CELA1: variants seen among roughly 807,000 people sequenced by gnomAD.
The protein encoded by CELA1 is chymotrypsin-like elastase family member 1.
Under a neutral mutation model 34.8 loss-of-function variants are expected in CELA1, and 28 were observed. The observed-to-expected ratio is 0.80, with a 90% confidence interval of 0.60 to 1.10. The LOEUF is 1.10. CELA1 is among the 50% of genes least tolerant of loss of function. The pLI, the probability that CELA1 is intolerant of heterozygous loss-of-function variation, is 0.00. For synonymous variants in CELA1, 140 were observed against 129.8 expected, an observed-to-expected ratio of 1.08 and a Z score of -0.53; for missense variants, 288 against 327.5, an observed-to-expected ratio of 0.88 and a Z score of 0.93.
intron 6 of CELA1, among the ~76,000 whole-genome samples, chr12:51,338,712 C>G (rs1231823291): frequency 6.6e-6 from 1 of 152,166 alleles, no homozygotes; most frequent in African/African-American, 2.4e-5. Context: ...ATGTCTGTGC[C>G]TCTGGTTTCT....
At chr12:51,333,594 T>C (rs17860343) in intron 6 of CELA1, among the ~76,000 whole-genome samples, 34,270 of 151,658 alleles carry the variant, frequency 0.23, 4,446 homozygotes, top group Middle Eastern at 0.32. Context: ...GGTCTCCCTA[T>C]GTTGCTGAGG....
chr12:51,332,405 C>CTG (rs10658711), intron 6 of CELA1, among the ~76,000 whole-genome samples: 65,898 of 151,624 alleles, frequency 0.43, 14,608 homozygotes, highest in East Asian at 0.58. Context: ...GCCATAATGT[C>CTG]AACACAAAAA....
At chr12:51,336,265 T>C (rs1052797188) in intron 6 of CELA1, among the ~76,000 whole-genome samples, 3 of 152,238 alleles carry the variant, frequency 2.0e-5, no homozygotes, top group Non-Finnish European at 1.5e-5. Context: ...CTTTTCTCAT[T>C]GAACAGTTTT....
chr12:51,331,986 C>T (rs1946472545), intron 6 of CELA1, among the ~76,000 whole-genome samples: 1 of 151,888 alleles, frequency 6.6e-6, no homozygotes, highest in African/African-American at 2.4e-5. Flanking sequence ...AGTTTGAGAC[C>T]AGCCTGGGGT....
chr12:51,341,339 AGGGTAACGCTCTG>A lies in CELA1; in HGVS notation c.355_367del (p.Gln119SerfsTer64), dbSNP rs1462065192. ...AACACCCAGCTGGACATAGCTATTG[AGGGTAACGCTCTG>A]GGCCAGGCGCAGCAGGGCGATGTCA... On this transcript the variant is annotated frameshift_variant, in exon 5 of 8. Coordinates refer to ENST00000293636, the MANE Select transcript of CELA1 (RefSeq NM_001971.6). LOFTEE classifies it high-confidence loss of function. The A allele has an allele frequency of 6.2e-7, 1 of 1,614,024 alleles. No individual in the cohort carries two copies. The highest frequency in any genetic ancestry group is 8.5e-7 in the Non-Finnish European group (1 of 1,180,030).
chr12:51,338,267 C>T (rs1196041270), intron 6 of CELA1, among the ~76,000 whole-genome samples: 1 of 45,908 alleles, frequency 2.2e-5, no homozygotes, highest in African/African-American at 6.0e-5. Context: ...CACACACACA[C>T]ACACACACAC....
At chr12:51,343,547 T>C (rs1220891294) in intron 3 of CELA1, among the ~76,000 whole-genome samples, 1 of 152,200 alleles carries the variant, frequency 6.6e-6, no homozygotes, top group Admixed American at 6.5e-5. Context: ...AGCTAGAATT[T>C]GGTGGAGCAA....
intron 7 of CELA1, among the ~76,000 whole-genome samples, chr12:51,328,931 T>A (rs1346182052): frequency 6.6e-6 from 1 of 152,108 alleles, no homozygotes; most frequent in African/African-American, 2.4e-5. Flanking sequence ...CACCTAACTC[T>A]CAAGCATTAT....
At chr12:51,332,885 T>TA (rs893600483) in intron 6 of CELA1, among the ~76,000 whole-genome samples, 5 of 151,658 alleles carry the variant, frequency 3.3e-5, no homozygotes, top group South Asian at 2.1e-4. Flanking sequence ...AAGTAAAACT[T>TA]AAAAAAAACT....
chr12:51,334,473 G>T (rs919859918), intron 6 of CELA1, among the ~76,000 whole-genome samples: 5 of 151,076 alleles, frequency 3.3e-5, no homozygotes, highest in Admixed American at 3.3e-4. Context: ...TTGCTCTGTT[G>T]CCCAGGCTGG....
Position 51,334,947 on chromosome 12 carries a change from A to G in CELA1, c.609+4913T>C, listed in dbSNP as rs969602436. Among the ~76,000 whole-genome samples, 3 of 152,192 alleles carry G rather than the reference A, an allele frequency of 2.0e-5. No individual in the cohort carries two copies. In the South Asian group the frequency reaches 6.2e-4, roughly 31 times the overall value. On this transcript the variant is annotated intron_variant, in intron 6 of 7. Coordinates refer to ENST00000293636, the MANE Select transcript of CELA1 (RefSeq NM_001971.6). ...CAACATCTTGGAGGACTGTCCTCCC[A>G]TTCACACTAACTAGTCCAGACCCAT...
chr12:51,334,663 T>C (rs1280822278), intron 6 of CELA1, among the ~76,000 whole-genome samples: 1 of 152,200 alleles, frequency 6.6e-6, no homozygotes. Context: ...CTCGATCTCC[T>C]GACCTCGTGA....
intron 6 of CELA1, 84 bp downstream of exon 6, chr12:51,339,776 G>T: frequency 7.2e-7 from 1 of 1,384,696 alleles, no homozygotes; most frequent in Non-Finnish European, 1.0e-6. Context: ...AAGAGTAAGT[G>T]TCGAATAGGG....
intron 4 of CELA1, among the ~76,000 whole-genome samples, chr12:51,341,994 A>C (rs1326322611): frequency 6.6e-6 from 1 of 152,196 alleles, no homozygotes; most frequent in Non-Finnish European, 1.5e-5. Context: ...GCCTGGATCC[A>C]ACAAATCCTA....
chr12:51,337,635 T>C (rs1048768775), intron 6 of CELA1, among the ~76,000 whole-genome samples: 6 of 150,640 alleles, frequency 4.0e-5, no homozygotes, highest in Non-Finnish European at 7.4e-5. Context: ...GGCACTGAAA[T>C]TTTATATATT....
chr12:51,329,549 G>A lies in CELA1; in HGVS notation c.759+135C>T, dbSNP rs1157299052. On this transcript the variant is annotated intron_variant, in intron 7 of 7. Transcript: ENST00000293636. ...GAAGGAAAGTACACCGTGGAAGGAA[G>A]GGAAGGGAGTAAACACATGAATGTG... The A allele has an allele frequency of 3.3e-6, 3 of 918,486 alleles. No individual in the cohort carries two copies. The African/African-American group carries it at 5.0e-5, about 15-fold the overall frequency. The allele number at this position is 918,486 out of a possible 1,614,324, so 56.9% of individuals were successfully genotyped here.
rs762099264 is a variant in CELA1, at chr12:51,343,873, AGAAG to A, written c.100-24_100-21del. On this transcript the variant is annotated intron_variant, in intron 2 of 7. Transcript: ENST00000293636. ...GGAAATCTAGATGGGGAGGAAAGAA[AGAAG>A]GGATAGGTTGGTGTTTCTCAAATGG... 4 of 1,343,768 alleles carry A rather than the reference AGAAG, an allele frequency of 3.0e-6. No individual in the cohort carries two copies. Among genetic ancestry groups the A allele is most frequent in the African/African-American group, 2.9e-5 (2 of 69,328 alleles). The allele number at this position is 1,343,768 out of a possible 1,614,324, so 83.2% of individuals were successfully genotyped here.
chr12:51,332,831 C>A (rs1462630417), intron 6 of CELA1, among the ~76,000 whole-genome samples: 1 of 152,096 alleles, frequency 6.6e-6, no homozygotes. Flanking sequence ...CGTACTCCAG[C>A]CTGGGCAACA....
chr12:51,345,883 T>C lies in CELA1; in HGVS notation c.17-6A>G. ...AAGGTCCTGGGTGCTGTGTCCTTTG[T>C]GGGGCAGAAGAAAAGTGAGTGATGA... On this transcript the variant is annotated splice_region_variant and splice_polypyrimidine_tract_variant and intron_variant, in intron 1 of 7. Coordinates refer to ENST00000293636, the MANE Select transcript of CELA1 (RefSeq NM_001971.6). The C allele has an allele frequency of 1.3e-6, 2 of 1,552,590 alleles. No individual in the cohort carries two copies. Among genetic ancestry groups the C allele is most frequent in the Non-Finnish European group, 8.7e-7 (1 of 1,147,476 alleles).
Sources: gnomAD v4.1 joint callset for allele counts (sites outside exome capture counted in the v4.1 genomes callset) on GRCh38, gnomAD v4.1.1 for gene constraint, MANE v1.5 for transcripts, NCBI Gene and HGNC (gene_info 2026-07-23, HGNC 2026-07-21) for gene names.